The following TRAPPC8 variants were observed in gnomAD, a reference collection of about 807,000 sequenced individuals.
The protein encoded by TRAPPC8 is general sporulation gene 1 homolog.
TRAPPC8 carries 54 observed loss-of-function variants against 174.3 expected under a neutral mutation model. That is an observed-to-expected ratio of 0.31 (90% CI 0.25 to 0.39). The LOEUF (loss-of-function observed/expected upper bound fraction) is 0.39, where lower values mean the gene tolerates loss of function less well. TRAPPC8 is among the 10% of genes least tolerant of loss of function. TRAPPC8 has a pLI of 1.00. For synonymous variants in TRAPPC8, 630 were observed against 579.9 expected (o/e 1.09, Z -1.24); for missense variants, 1,531 against 1,699.1 (o/e 0.90, Z 1.74).
At chr18:31,878,070 C>T (rs2035251312) in intron 12 of TRAPPC8, among the ~76,000 whole-genome samples, 1 of 152,126 alleles carries the variant, frequency 6.6e-6, no homozygotes, top group Admixed American at 6.5e-5. Context: ...GGAAGAAGTT[C>T]CGCCCTGAGC....
chr18:31,851,388 G>T (rs1222129908), intron 24 of TRAPPC8, among the ~76,000 whole-genome samples: 2 of 152,132 alleles, frequency 1.3e-5, no homozygotes, highest in Admixed American at 6.5e-5. Context: ...CTAGGAGCTT[G>T]TAACAATTTA....
intron 2 of TRAPPC8, among the ~76,000 whole-genome samples, chr18:31,929,352 C>T (rs1662326309): frequency 6.6e-6 from 1 of 151,716 alleles, no homozygotes; most frequent in African/African-American, 2.4e-5. Context: ...ATAGTGAGAC[C>T]CTGTCTCTAC....
chr18:31,874,714 A>T lies in TRAPPC8; in HGVS notation c.1729-10T>A. On this transcript the variant is annotated splice_polypyrimidine_tract_variant and intron_variant, in intron 12 of 28. Transcript: ENST00000283351. Reference sequence around the variant, plus strand: ...GTAAAGCATGCTTTTTCTGTAAGAAAATAAACAAAATAATGTATTATACTC... The same window carrying T: ...GTAAAGCATGCTTTTTCTGTAAGAATATAAACAAAATAATGTATTATACTC... 6.2e-7 allele frequency: 1 copy of T among 1,606,026 alleles called. No homozygotes were observed. The highest frequency in any genetic ancestry group is 8.5e-7 in the Non-Finnish European group (1 of 1,177,364).
At chr18:31,929,530 T>TA (rs903727521) in intron 2 of TRAPPC8, among the ~76,000 whole-genome samples, 9 of 151,896 alleles carry the variant, frequency 5.9e-5, no homozygotes, top group Admixed American at 3.3e-4. Context: ...TTGTCTCTTT[T>TA]AAAAAAACAT....
At chr18:31,903,701 C>T (rs1245661521) in intron 9 of TRAPPC8, among the ~76,000 whole-genome samples, 1 of 152,154 alleles carries the variant, frequency 6.6e-6, no homozygotes, top group African/African-American at 2.4e-5. Flanking sequence ...CCTATTATTA[C>T]TGTCAATTTC....
chr18:31,912,377 CCTA>C (rs1284176019), intron 5 of TRAPPC8, among the ~76,000 whole-genome samples: 1 of 151,962 alleles, frequency 6.6e-6, no homozygotes, highest in African/African-American at 2.4e-5. Flanking sequence ...TGTAGTCCCA[CCTA>C]CTTGGGAGGC....
chr18:31,876,347 G>A (rs866551075), intron 12 of TRAPPC8, among the ~76,000 whole-genome samples: 14 of 151,562 alleles, frequency 9.2e-5, no homozygotes, highest in South Asian at 4.2e-4. Flanking sequence ...AAAATTAGCC[G>A]GGCATGGTGG....
chr18:31,929,539 A>G (rs1211824494), intron 2 of TRAPPC8, among the ~76,000 whole-genome samples: 1 of 152,036 alleles, frequency 6.6e-6, no homozygotes, highest in African/African-American at 2.4e-5. Context: ...TTAAAAAAAC[A>G]TATTAGCCTG....
chr18:31,900,942 T>C lies in TRAPPC8; in HGVS notation c.1473A>G (p.Thr491=). The C allele has an allele frequency of 6.3e-7, 1 of 1,595,426 alleles. No homozygotes were observed. ...PAHYMDTAIQ[T]YRDICKNMVL... is the part of the protein sequence containing the mutation. The stretch of plus-strand genomic sequence containing the variant: ...TCACCTACTTGCAGATATCTCTGTA[T>C]GTCTGAATTGCTGTATCCATGTAAT... The change falls in exon 10 of 29, where the codon ACA becomes ACG. Residue 491 remains threonine, a synonymous_variant. Coordinates refer to ENST00000283351, the MANE Select transcript of TRAPPC8 (RefSeq NM_014939.5).
At chr18:31,912,032 G>C (rs1419279673) in intron 5 of TRAPPC8, among the ~76,000 whole-genome samples, 3 of 152,004 alleles carry the variant, frequency 2.0e-5, no homozygotes, top group Non-Finnish European at 4.4e-5. Flanking sequence ...TAAGCCAATA[G>C]GACAATCAAT....
chr18:31,876,502 A>AAAAAAAAAAAAAAAAAAAAAAAAAAAC (rs2035158322), intron 12 of TRAPPC8, among the ~76,000 whole-genome samples: 1 of 149,840 alleles, frequency 6.7e-6, no homozygotes, highest in African/African-American at 2.5e-5. Context: ...AAAAAAAAAA[A>AAAAAAAAAAAAAAAAAAAAAAAAAAAC]AAAAAAAAAA....
rs141722407 is a variant in TRAPPC8 at position 31,866,534 on chromosome 18, T to A, written c.2590+315A>T. 8.9e-3 allele frequency among the ~76,000 whole-genome samples: 1,349 copies of A among 152,240 alleles called. 25 individuals are homozygous for A. Among genetic ancestry groups the A allele is most frequent in the African/African-American group, 0.031 (1,300 of 41,558 alleles). On this transcript the variant is annotated intron_variant, in intron 18 of 28. Coordinates refer to ENST00000283351, the MANE Select transcript of TRAPPC8 (RefSeq NM_014939.5). Reference sequence around the variant, plus strand: ...AAAGAACATATTAAGATGGTTTTTATATTGGCAGCAGACAATCAATGGTTA... The same window carrying A: ...AAAGAACATATTAAGATGGTTTTTAAATTGGCAGCAGACAATCAATGGTTA...
At position 31,855,666 on chromosome 18, in the gene TRAPPC8, G is replaced by A. The variant is rs764782078; in HGVS notation, c.3330C>T (p.Thr1110=). The part of the protein sequence containing the change: ...NMLVFVDVEN[T]NTSEAGVKEF... ...CAGTTTTAAACCAACTTACAGTATT[G>A]GTATTTTCCACATCCACAAAGACTA... The change falls in exon 21 of 29, where the codon ACC becomes ACT. Residue 1110 remains threonine, a synonymous_variant. Coordinates refer to ENST00000283351, the MANE Select transcript of TRAPPC8 (RefSeq NM_014939.5). The A allele has an allele frequency of 6.3e-7, 1 of 1,591,040 alleles. No individual in the cohort carries two copies.
At position 31,853,961 on chromosome 18, in the gene TRAPPC8, A is replaced by AT; in HGVS notation, c.3337-17dup. The stretch of plus-strand genomic sequence containing the variant: ...CTGCTTCACTCTGTCAAAAAAAAAG[A>AT]TAGGAGTCATTCAGGATTTAGAAGC... On this transcript the variant is annotated splice_polypyrimidine_tract_variant and intron_variant, in intron 21 of 28. Transcript: ENST00000283351. The AT allele has an allele frequency of 1.9e-6, 3 of 1,580,926 alleles. No individual in the cohort carries two copies. The highest frequency in any genetic ancestry group is 2.6e-6 in the Non-Finnish European group (3 of 1,160,038).
At chr18:31,910,584 T>A (rs2036862895) in intron 5 of TRAPPC8, among the ~76,000 whole-genome samples, 1 of 152,212 alleles carries the variant, frequency 6.6e-6, no homozygotes, top group Non-Finnish European at 1.5e-5. Flanking sequence ...AAGAATTTTT[T>A]ATTGATCCTT....
intron 16 of TRAPPC8, 142 bp from the exon 17 acceptor site, chr18:31,867,618 C>T (rs1047351266): frequency 4.8e-6 from 3 of 624,502 alleles, no homozygotes; most frequent in South Asian, 2.2e-5. Flanking sequence ...GAGCTCTACA[C>T]AAAGTGTTTT....
At chr18:31,833,024 A>AC (rs2032471132) in intron 27 of TRAPPC8, among the ~76,000 whole-genome samples, 1 of 152,238 alleles carries the variant, frequency 6.6e-6, no homozygotes, top group Non-Finnish European at 1.5e-5. Context: ...CGCAAACGTC[A>AC]CAGGTTTCCC....
chr18:31,933,300 CAAAAAA>C (rs770309579), intron 1 of TRAPPC8, among the ~76,000 whole-genome samples: 2 of 91,606 alleles, frequency 2.2e-5, no homozygotes, highest in Non-Finnish European at 2.2e-5. Context: ...GACTCCGTCT[CAAAAAA>C]AAAAAAAAAA....
At position 31,829,453 on chromosome 18, in the gene TRAPPC8, A is replaced by C. The variant is rs376802171; in HGVS notation, c.*1302T>G. On this transcript the variant is annotated 3_prime_UTR_variant, in exon 29 of 29. Transcript: ENST00000283351. Reference sequence around the variant, plus strand: ...GACCTTCCTCTCCAACTTGTCCCACACCTGCTAAGACACAGAGTGGAAGGA... The same window carrying C: ...GACCTTCCTCTCCAACTTGTCCCACCCCTGCTAAGACACAGAGTGGAAGGA... 1 of 152,210 alleles carries C rather than the reference A, an allele frequency of 6.6e-6. No individual in the cohort carries two copies. Among genetic ancestry groups the C allele is most frequent in the Non-Finnish European group, 1.5e-5 (1 of 68,050 alleles). The allele number at this position is 152,210 out of a possible 1,614,324, so 9.4% of individuals were successfully genotyped here.
Sources: allele counts gnomAD v4.1 joint callset (sites outside exome capture counted in the v4.1 genomes callset), GRCh38; gene constraint gnomAD v4.1.1; transcripts MANE v1.5; gene names NCBI Gene and HGNC (gene_info 2026-07-23, HGNC 2026-07-21).